FASN: variants seen among roughly 807,000 people sequenced by gnomAD.
The protein encoded by FASN is fatty acid synthase, also known as 3-hydroxyacyl-[acyl-carrier-protein] dehydratase.
A neutral mutation model predicts 250.0 loss-of-function variants in FASN; 50 were observed. The ratio of observed to expected loss-of-function variants is 0.20; its 90% CI spans 0.16 to 0.25. The LOEUF is 0.25. Among genes scored for constraint, FASN ranks in the 10% least tolerant of loss-of-function variants. The pLI is 1.00. For synonymous variants in FASN, 1,909 were observed against 1,584.0 expected (o/e 1.21, Z -4.87); for missense variants, 3,031 against 3,498.5 (o/e 0.87, Z 3.37).
chr17:82,082,100 G>A lies in FASN; in HGVS notation c.6072C>T (p.Cys2024=), dbSNP rs749063896. 23 of 1,608,920 alleles carry A rather than the reference G, an allele frequency of 1.4e-5. No homozygotes were observed. The highest frequency in any genetic ancestry group is 7.7e-5 in the South Asian group (7 of 91,090). ...DYFVVFSSVS[C]GRGNAGQSNY... ...TGCTCTGTCCCGCATTGCCACGCCC[G>A]CAGCTCACAGAGGAGAAGACCACAA... Residue 2024 remains cysteine, a synonymous_variant, in exon 36 of 43, where the codon TGC becomes TGT. Transcript: ENST00000306749.
chr17:82,085,987 T>C (rs1394907059), intron 22 of FASN, 116 bp from the exon 23 acceptor site: 4 of 1,332,274 alleles, frequency 3.0e-6, no homozygotes, highest in Middle Eastern at 2.7e-4. Context: ...GTCAACCTGA[T>C]GACGGTGCCA....
At chr17:82,086,037 G>T (rs1333510709) in intron 22 of FASN, among the ~76,000 whole-genome samples, 166 bp from the exon 23 acceptor site, 1 of 152,206 alleles carries the variant, frequency 6.6e-6, no homozygotes, top group African/African-American at 2.4e-5. Flanking sequence ...TTGTCCCTGG[G>T]GTCCTGCCTA....
chr17:82,093,247 C>T lies in FASN; in HGVS notation c.627G>A (p.Glu209=), dbSNP rs2034245327. 1 of 1,590,288 alleles carries T rather than the reference C, an allele frequency of 6.3e-7. No individual in the cohort carries two copies. Residue 209 remains glutamate, a synonymous_variant, in exon 5 of 43, where the codon GAG becomes GAA. Transcript: ENST00000306749. Reference sequence around the variant, plus strand: ...CTGTGTCGAAGGCCTTGCAGGTGCCCTCGGGGCTGAGCATCCCCAGCCTCA... The same window carrying T: ...CTGTGTCGAAGGCCTTGCAGGTGCCTTCGGGGCTGAGCATCCCCAGCCTCA... ...QFLRLGMLSP[E]GTCKAFDTAG...
Position 82,088,469 on chromosome 17 carries a change from G to A in FASN, c.2514C>T (p.His838=), listed in dbSNP as rs1170935054. 5 of 1,611,598 alleles carry A rather than the reference G, an allele frequency of 3.1e-6. No individual in the cohort carries two copies. Among genetic ancestry groups the A allele is most frequent in the Admixed American group, 3.3e-5 (2 of 59,978 alleles). ...PLISPLIKWD[H]SLAWDVPAAE... is the part of the protein sequence containing the mutation. ...CGGCCGGCACGTCCCAGGCCAGGCT[G>A]TGGTCCCACTTGATGAGTGGGGAGA... Residue 838 remains histidine, a synonymous_variant, in exon 16 of 43, where the codon CAC becomes CAT. Coordinates refer to ENST00000306749, the MANE Select transcript of FASN (RefSeq NM_004104.5).
In FASN at chr17:82,079,517, C is replaced by G. The variant is rs557050126; in HGVS notation, c.7238G>C (p.Arg2413Pro). The G allele has an allele frequency of 6.2e-7, 1 of 1,611,730 alleles. No homozygotes were observed. The highest frequency in any genetic ancestry group is 8.5e-7 in the Non-Finnish European group (1 of 1,179,964). ...LIIKSHQGLD[R>P]QELSFAARSF... is the part of the protein sequence containing the mutation. The stretch of plus-strand genomic sequence containing the variant: ...CCGGGCCGCAAAGCTCAGCTCCTGG[C>G]GGTCCAGGCCCTGGTGGCTCTTGAT... Residue 2413 changes from arginine (R) to proline (P), a missense_variant, in exon 42 of 43, where the codon CGC (arginine) becomes CCC (proline). By Grantham distance (103) the Arg-to-Pro change is moderately radical (BLOSUM62 -2). Coordinates refer to ENST00000306749, the MANE Select transcript of FASN (RefSeq NM_004104.5).
At chr17:82,097,388 G>C (rs1370403122) in intron 1 of FASN, 1 of 152,346 alleles carries the variant, frequency 6.6e-6, no homozygotes, top group Non-Finnish European at 1.5e-5. Flanking sequence ...GCCAGCGCTG[G>C]TCTGGCCACT....
Position 82,080,912 on chromosome 17 carries a change from G to A in FASN, c.6606C>T (p.Cys2202=). Residue 2202 remains cysteine (C), a synonymous_variant, in exon 39 of 43, where the codon TGC becomes TGT. Coordinates refer to ENST00000306749, the MANE Select transcript of FASN (RefSeq NM_004104.5). ...CCAGACCATCCTCCTTGGGCGTGGG[G>A]CATGCCAGCTCTGTGAAGACAGGGG... ...SKADEASELA[C]PTPKEDGLAQ... 4 of 1,607,842 alleles carry A rather than the reference G, an allele frequency of 2.5e-6. No individual in the cohort carries two copies. Among genetic ancestry groups the A allele is most frequent in the Non-Finnish European group, 1.7e-6 (2 of 1,178,098 alleles).
In FASN at chr17:82,085,673, C is replaced by T. The variant is rs574581617; in HGVS notation, c.3931G>A (p.Asp1311Asn). ...DPAPSALGSA[D>N]LLVCNCAVAA... Reference sequence around the variant, plus strand: ...ACAGCACAGTTGCACACCAGGAGGTCGGCGCTGCCCAGGGCGCTGGGGGCA... The same window carrying T: ...ACAGCACAGTTGCACACCAGGAGGTTGGCGCTGCCCAGGGCGCTGGGGGCA... Residue 1311 changes from aspartate to asparagine, a missense_variant, in exon 23 of 43, where the codon GAC becomes AAC. By Grantham distance (23) the Asp-to-Asn change is conservative. Coordinates refer to ENST00000306749, the MANE Select transcript of FASN (RefSeq NM_004104.5). 91 of 1,580,680 alleles carry T rather than the reference C, an allele frequency of 5.8e-5. No individual in the cohort carries two copies. In the East Asian group the frequency reaches 1.1e-3, roughly 19 times the overall value.
Position 82,098,168 on chromosome 17 carries a change from A to G in FASN, c.-55T>C. On this transcript the variant is annotated 5_prime_UTR_variant, in exon 1 of 43. Transcript: ENST00000306749. ...TGCGGGCGGCGGAGAGCGAGGCTGG[A>G]GCGCGGCGGAGCGGGAGGCTGAAGC... The G allele has an allele frequency of 2.8e-6, 1 of 358,392 alleles. No individual in the cohort carries two copies. The highest frequency in any genetic ancestry group is 7.4e-4 in the Middle Eastern group (1 of 1,360). The allele number at this position is 358,392 out of a possible 1,614,324, so 22.2% of individuals were successfully genotyped here. A position where few individuals can be genotyped will look rare whatever the true frequency, so the allele number is the denominator to read the frequency against.
chr17:82,080,078 T>C, intron 41 of FASN, 62 bp downstream of exon 41: 1 of 1,530,714 alleles, frequency 6.5e-7, no homozygotes, highest in Non-Finnish European at 9.0e-7. Flanking sequence ...ATCCTTCCCT[T>C]CCCCCTTCCG....
At position 82,083,029 on chromosome 17, in the gene FASN, G is replaced by A. The variant is rs199979735; in HGVS notation, c.5652C>T (p.His1884=). 3.7e-6 allele frequency: 6 copies of A among 1,612,814 alleles called. No homozygotes were observed. Among genetic ancestry groups the A allele is most frequent in the Non-Finnish European group, 5.1e-6 (6 of 1,180,010 alleles). ...SAISKTFCPA[H]KSYIIAGGLG... is the part of the protein sequence containing the mutation. ...GACCACCAGCGATGATGTAGCTCTT[G>A]TGGGCCGGGCAGAAGGTCTTGGAGA... is the stretch of plus-strand genomic sequence containing the variant. Residue 1884 remains histidine, a synonymous_variant, in exon 33 of 43, where the codon CAC becomes CAT. Coordinates refer to ENST00000306749, the MANE Select transcript of FASN (RefSeq NM_004104.5).
intron 21 of FASN, 58 bp downstream of exon 21, chr17:82,086,992 G>C: frequency 6.4e-7 from 1 of 1,572,470 alleles, no homozygotes; most frequent in South Asian, 1.1e-5. Context: ...CAACGTGAGG[G>C]GAGGCGATCG....
In FASN at chr17:82,087,153, C is replaced by G; in HGVS notation, c.3324G>C (p.Glu1108Asp). The G allele has an allele frequency of 1.9e-6, 3 of 1,610,936 alleles. No homozygotes were observed. Among genetic ancestry groups the G allele is most frequent in the Non-Finnish European group, 2.5e-6 (3 of 1,179,440 alleles). The stretch of plus-strand genomic sequence containing the variant: ...ACTTCTCCAGGATGGGCACCTGCTG[C>G]TCCTGCTGCCGCCGCGGGGCCGACT... ...HTESAPRRQQEQQVPILEKFC... is the reference protein window; with the variant it reads ...HTESAPRRQQDQQVPILEKFC... Residue 1108 changes from glutamate (E) to aspartate (D), a missense_variant, in exon 21 of 43, where the codon GAG becomes GAC. Glu to Asp is a conservative substitution (Grantham distance 45). Coordinates refer to ENST00000306749, the MANE Select transcript of FASN (RefSeq NM_004104.5).
intron 12 of FASN, 51 bp from the exon 13 acceptor site, chr17:82,089,435 G>A: frequency 7.4e-6 from 12 of 1,612,402 alleles, no homozygotes; most frequent in Non-Finnish European, 1.0e-5. Flanking sequence ...ACCCACCTCA[G>A]GCTCGGAGAG....
At position 82,091,332 on chromosome 17, in the gene FASN, G is replaced by A; in HGVS notation, c.1382C>T (p.Pro461Leu). The A allele has an allele frequency of 6.2e-7, 1 of 1,610,136 alleles. No homozygotes were observed. Among genetic ancestry groups the A allele is most frequent in the Non-Finnish European group, 8.5e-7 (1 of 1,178,868 alleles). Residue 461 changes from proline to leucine, a missense_variant, in exon 9 of 43, where the codon CCC becomes CTC. Coordinates refer to ENST00000306749, the MANE Select transcript of FASN (RefSeq NM_004104.5). Reference protein sequence around the residue: ...LSMLNDIAAVPATAMPFRGYA... With the variant: ...LSMLNDIAAVLATAMPFRGYA... ...GCCACGGAAGGGCATGGCGGTGGCGGGGACAGCCGCGATGTCGTTCAGCAT... is the reference window on the plus strand; with the variant it reads ...GCCACGGAAGGGCATGGCGGTGGCGAGGACAGCCGCGATGTCGTTCAGCAT...
intron 25 of FASN, 34 bp downstream of exon 25, chr17:82,085,001 G>A: frequency 6.3e-7 from 1 of 1,588,388 alleles, no homozygotes; most frequent in South Asian, 1.1e-5. Flanking sequence ...GAGGCTGGTG[G>A]GGAAGGGGAA....
At chr17:82,092,864 C>A in intron 6 of FASN, 33 bp downstream of exon 6, 1 of 1,589,386 alleles carries the variant, frequency 6.3e-7, no homozygotes, top group Non-Finnish European at 8.6e-7. Flanking sequence ...TCCCACCTGC[C>A]CCCCAGCACC....
In FASN at chr17:82,085,347, T is replaced by C. The variant is rs368186975; in HGVS notation, c.4178A>G (p.Lys1393Arg). The C allele has an allele frequency of 1.3e-5, 21 of 1,611,578 alleles. No individual in the cohort carries two copies. The highest frequency in any genetic ancestry group is 1.8e-5 in the Non-Finnish European group (21 of 1,179,626). The change falls in exon 24 of 43, where the codon AAG (lysine) becomes AGG (arginine). Residue 1393 changes from lysine (K) to arginine (R), a missense_variant. Coordinates refer to ENST00000306749, the MANE Select transcript of FASN (RefSeq NM_004104.5). ...RVSLRLVGLKKSFYGSTLFLC... is the reference protein window; with the variant it reads ...RVSLRLVGLKRSFYGSTLFLC... The stretch of plus-strand genomic sequence containing the variant: ...GAAGAGCGTGGAGCCGTAGAAGGAC[T>C]TCTTCAGGCCCACCAGGCGCAGCGA...
intron 41 of FASN, 53 bp downstream of exon 41, chr17:82,080,087 C>T (rs772890309): frequency 5.5e-5 from 86 of 1,563,732 alleles, no homozygotes; most frequent in Admixed American, 8.3e-5. Context: ...TTCCCCCTTC[C>T]GTTCCTGCCC....
Sources: allele counts gnomAD v4.1 joint callset (sites outside exome capture counted in the v4.1 genomes callset), GRCh38; gene constraint gnomAD v4.1.1; transcripts MANE v1.5; gene names NCBI Gene and HGNC (gene_info 2026-07-23, HGNC 2026-07-21).